Variants in PPP1R9A observed in about 807,000 individuals in gnomAD.
PPP1R9A encodes the protein neurabin-1.
A neutral mutation model predicts 141.9 loss-of-function variants in PPP1R9A; 59 were observed. The observed-to-expected ratio is 0.42, with a 90% confidence interval of 0.34 to 0.52. The LOEUF is 0.52. Among genes scored for constraint, PPP1R9A ranks in the 20% least tolerant of loss-of-function variants. The probability of loss-of-function intolerance (pLI) is 0.10; values close to 1 mark genes in which losing one functional copy is unlikely to be tolerated. For synonymous variants in PPP1R9A, 500 were observed against 569.7 expected, an observed-to-expected ratio of 0.88 and a Z score of 1.74; for missense variants, 1,444 against 1,611.9, an observed-to-expected ratio of 0.90 and a Z score of 1.78.
rs775869834 is a variant in PPP1R9A, at chr7:94,911,319, T to C, written c.1206T>C (p.Asn402=). Residue 402 remains asparagine (N), a synonymous_variant, in exon 2 of 20, where the codon AAT becomes AAC. Transcript: ENST00000433360. ...GSHVYMHSDY[N]VYRVRSRYNS... ...ATGTGTACATGCACAGTGACTATAA[T>C]GTGTATAGGGTGAGATCCAGGTATA... 1.9e-6 allele frequency: 3 copies of C among 1,613,960 alleles called. No individual in the cohort carries two copies. Among genetic ancestry groups the C allele is most frequent in the Non-Finnish European group, 2.5e-6 (3 of 1,180,004 alleles).
At chr7:95,012,165 G>A (rs1177403493) in intron 2 of PPP1R9A, among the ~76,000 whole-genome samples, 1 of 152,094 alleles carries the variant, frequency 6.6e-6, no homozygotes, top group Non-Finnish European at 1.5e-5. Context: ...AAAGAAAAGA[G>A]GTTTAATTGG....
chr7:95,264,067 T>A (rs1800872143), intron 12 of PPP1R9A, among the ~76,000 whole-genome samples: 1 of 152,176 alleles, frequency 6.6e-6, no homozygotes, highest in South Asian at 2.1e-4. Context: ...AAGGAACAAC[T>A]CCAGGTCTAC....
intron 4 of PPP1R9A, among the ~76,000 whole-genome samples, chr7:95,152,943 G>A (rs1421039863): frequency 6.6e-6 from 1 of 150,896 alleles, no homozygotes; most frequent in Non-Finnish European, 1.5e-5. Flanking sequence ...TCACCTCCTG[G>A]GTTCAAACCG....
intron 12 of PPP1R9A, among the ~76,000 whole-genome samples, chr7:95,258,043 G>T (rs982649970): frequency 7.9e-5 from 12 of 152,018 alleles, no homozygotes; most frequent in Admixed American, 7.9e-4. Context: ...GTAATGGGAT[G>T]GCTGGGTCAA....
At chr7:95,220,238 A>C (rs994604551) in intron 7 of PPP1R9A, among the ~76,000 whole-genome samples, 1 of 152,116 alleles carries the variant, frequency 6.6e-6, no homozygotes, top group Admixed American at 6.6e-5. Context: ...AATTTTAAAC[A>C]TTAAAATGTG....
intron 7 of PPP1R9A, among the ~76,000 whole-genome samples, chr7:95,215,613 C>G (rs1409168937): frequency 6.6e-6 from 1 of 152,186 alleles, no homozygotes; most frequent in Non-Finnish European, 1.5e-5. Flanking sequence ...TCCTATTTCT[C>G]CACATCCTCT....
At chr7:95,253,221 T>C (rs1799130666) in intron 12 of PPP1R9A, among the ~76,000 whole-genome samples, 1 of 152,196 alleles carries the variant, frequency 6.6e-6, no homozygotes. Context: ...AGGGTTGTCA[T>C]GACAGGACCG....
At chr7:95,005,335 G>C (rs1803448535) in intron 2 of PPP1R9A, among the ~76,000 whole-genome samples, 2 of 152,010 alleles carry the variant, frequency 1.3e-5, no homozygotes, top group African/African-American at 4.8e-5. Flanking sequence ...TGTGAATACT[G>C]TATGAATTCA....
chr7:95,186,851 A>C (rs1834730306), intron 5 of PPP1R9A, among the ~76,000 whole-genome samples: 1 of 152,032 alleles, frequency 6.6e-6, no homozygotes, highest in Non-Finnish European at 1.5e-5. Flanking sequence ...TGCATCTCTG[A>C]TTTGAAGCTC....
chr7:95,176,184 G>A (rs930096111), intron 5 of PPP1R9A, among the ~76,000 whole-genome samples: 1 of 152,084 alleles, frequency 6.6e-6, no homozygotes, highest in Non-Finnish European at 1.5e-5. Flanking sequence ...ACAGGACTCT[G>A]TGCACACAAC....
At chr7:94,998,132 A>G (rs1203758259) in intron 2 of PPP1R9A, among the ~76,000 whole-genome samples, 3 of 151,978 alleles carry the variant, frequency 2.0e-5, no homozygotes, top group Non-Finnish European at 4.4e-5. Context: ...GAGGTTGTTT[A>G]TTTTTCTTGT....
intron 12 of PPP1R9A, among the ~76,000 whole-genome samples, chr7:95,265,668 C>T (rs529254042): frequency 2.0e-5 from 3 of 152,144 alleles, no homozygotes; most frequent in East Asian, 3.9e-4. Flanking sequence ...GCTATTAAGG[C>T]GAAAGTTTTC....
intron 3 of PPP1R9A, among the ~76,000 whole-genome samples, chr7:95,117,780 T>G (rs573534744): frequency 2.0e-4 from 31 of 152,246 alleles, no homozygotes; most frequent in Non-Finnish European, 3.5e-4. Flanking sequence ...TAAGTTATAC[T>G]GAAGAGAAAC....
chr7:95,205,229 A>C (rs1008849176), intron 7 of PPP1R9A, among the ~76,000 whole-genome samples: 1 of 152,224 alleles, frequency 6.6e-6, no homozygotes, highest in East Asian at 1.9e-4. Context: ...TTGATTTAAA[A>C]AAATTATGAT....
chr7:95,060,107 G>A (rs1045840328), intron 2 of PPP1R9A, among the ~76,000 whole-genome samples: 1 of 152,158 alleles, frequency 6.6e-6, no homozygotes, highest in Non-Finnish European at 1.5e-5. Flanking sequence ...AGCAGAGGTT[G>A]TCTGACTCTG....
At chr7:95,031,898 T>TAGTC (rs113988404) in intron 2 of PPP1R9A, among the ~76,000 whole-genome samples, 5 of 152,154 alleles carry the variant, frequency 3.3e-5, no homozygotes, top group Admixed American at 2.0e-4. Context: ...AAGTCATCTG[T>TAGTC]AGTCAGTCAG....
At chr7:95,094,807 G>C (rs1817805465) in intron 2 of PPP1R9A, among the ~76,000 whole-genome samples, 1 of 146,572 alleles carries the variant, frequency 6.8e-6, no homozygotes, top group South Asian at 2.1e-4. Context: ...TTGAACCTGG[G>C]AGGCAGAGGT....
chr7:95,190,667 G>A (rs529690463), intron 5 of PPP1R9A, among the ~76,000 whole-genome samples: 6 of 152,226 alleles, frequency 3.9e-5, no homozygotes, highest in Non-Finnish European at 7.3e-5. Context: ...TCCAGGAGGT[G>A]GCGCTTTCAA....
chr7:94,930,164 A>T (rs1327855833), intron 2 of PPP1R9A, among the ~76,000 whole-genome samples: 2 of 152,154 alleles, frequency 1.3e-5, no homozygotes, highest in Non-Finnish European at 1.5e-5. Flanking sequence ...TGTCATTGGG[A>T]TACTGTGAGG....
Sources: gnomAD v4.1 joint callset for allele counts (sites outside exome capture counted in the v4.1 genomes callset) on GRCh38, gnomAD v4.1.1 for gene constraint, MANE v1.5 for transcripts, NCBI Gene and HGNC (gene_info 2026-07-23, HGNC 2026-07-21) for gene names.